Variants in NCKAP5 observed in about 807,000 individuals in gnomAD.
NCKAP5 encodes nck-associated protein 5.
A neutral mutation model predicts 167.0 loss-of-function variants in NCKAP5; 92 were observed. That is an observed-to-expected ratio of 0.55 (90% CI 0.47 to 0.66). The LOEUF (loss-of-function observed/expected upper bound fraction) is 0.66. Among genes scored for constraint, NCKAP5 ranks in the 30% least tolerant of loss-of-function variants. NCKAP5 has a pLI of 0.00. For missense variants in NCKAP5, 2,378 were observed against 2,315.0 expected (o/e 1.03, Z -0.56); for synonymous variants, 891 against 877.4 (o/e 1.02, Z -0.27).
At chr2:133,119,235 C>T (rs1161267510) in intron 6 of NCKAP5, among the ~76,000 whole-genome samples, 1 of 152,140 alleles carries the variant, frequency 6.6e-6, no homozygotes, top group South Asian at 2.1e-4. Flanking sequence ...AACTCCTGAC[C>T]TCAGGTAATC....
chr2:133,167,902 T>C (rs1391883294), intron 5 of NCKAP5, among the ~76,000 whole-genome samples: 1 of 152,198 alleles, frequency 6.6e-6, no homozygotes, highest in Non-Finnish European at 1.5e-5. Context: ...CCTGCAAGTA[T>C]ATAGATATGA....
At chr2:133,652,320 G>C in the NCKAP5 span, among the ~76,000 whole-genome samples, 2 of 152,208 alleles carry the variant, frequency 1.3e-5, no homozygotes, top group Non-Finnish European at 2.9e-5. Flanking sequence ...AGGGTGTAGT[G>C]TGTTGAGTTA....
chr2:133,427,476 TA>T (rs1424053711), intron 3 of NCKAP5, among the ~76,000 whole-genome samples: 3 of 152,162 alleles, frequency 2.0e-5, no homozygotes, highest in Non-Finnish European at 2.9e-5. Flanking sequence ...ATAATTCCCA[TA>T]TAATTTAATT....
At chr2:133,599,049 T>C in the NCKAP5 span, among the ~76,000 whole-genome samples, 1 of 152,242 alleles carries the variant, frequency 6.6e-6, no homozygotes, top group Admixed American at 6.5e-5. Flanking sequence ...GTAAGGACTG[T>C]CATTGGAATA....
chr2:132,892,155 A>G (rs942894146), intron 8 of NCKAP5, among the ~76,000 whole-genome samples: 2 of 152,192 alleles, frequency 1.3e-5, no homozygotes, highest in African/African-American at 4.8e-5. Context: ...TGGATTGGAC[A>G]GTTTAAACAG....
At chr2:133,267,579 T>C (rs1159474376) in intron 4 of NCKAP5, among the ~76,000 whole-genome samples, 1 of 152,182 alleles carries the variant, frequency 6.6e-6, no homozygotes, top group East Asian at 1.9e-4. Context: ...TTTCCAGAGA[T>C]AAAAGGAAAT....
chr2:132,935,844 A>C (rs982238646), intron 8 of NCKAP5, among the ~76,000 whole-genome samples: 4 of 152,196 alleles, frequency 2.6e-5, no homozygotes, highest in Admixed American at 6.5e-5. Context: ...GTGGTGTCGC[A>C]CTTCATGAGA....
chr2:133,090,790 C>G (rs1837136), intron 6 of NCKAP5, among the ~76,000 whole-genome samples: 38,810 of 92,826 alleles, frequency 0.42, 5,928 homozygotes, highest in African/African-American at 0.61. Context: ...GGAGACTTGG[C>G]GGGGGAAATT....
intron 5 of NCKAP5, among the ~76,000 whole-genome samples, chr2:133,198,437 T>C (rs1455459393): frequency 6.6e-6 from 1 of 152,142 alleles, no homozygotes; most frequent in African/African-American, 2.4e-5. Context: ...CTCTAATGAC[T>C]GTAGGTTTCT....
chr2:133,430,916 G>A (rs1181327221), intron 3 of NCKAP5, among the ~76,000 whole-genome samples: 3 of 151,798 alleles, frequency 2.0e-5, no homozygotes, highest in Admixed American at 6.6e-5. Context: ...CTTTCTACAG[G>A]TCTGAAATTG....
intron 3 of NCKAP5, among the ~76,000 whole-genome samples, chr2:133,483,629 G>GT (rs981399598): frequency 6.3e-5 from 6 of 95,506 alleles, no homozygotes; most frequent in African/African-American, 3.2e-4. Context: ...AAAAAAAAAG[G>GT]GGGGGGGGCT....
intron 6 of NCKAP5, among the ~76,000 whole-genome samples, chr2:133,006,060 C>G (rs1308292700): frequency 6.6e-6 from 1 of 151,922 alleles, no homozygotes; most frequent in Non-Finnish European, 1.5e-5. Context: ...AGTTCAGGAC[C>G]AGCCTGAGCA....
At chr2:133,235,664 G>C (rs1184666571) in intron 4 of NCKAP5, among the ~76,000 whole-genome samples, 1 of 152,016 alleles carries the variant, frequency 6.6e-6, no homozygotes, top group Non-Finnish European at 1.5e-5. Context: ...AGCATGTTGG[G>C]AGGCCGAGGT....
intron 19 of NCKAP5, among the ~76,000 whole-genome samples, chr2:132,680,038 C>T (rs1035059951): frequency 3.5e-4 from 53 of 152,138 alleles, no homozygotes; most frequent in African/African-American, 1.2e-3. Flanking sequence ...CTAGATGAGA[C>T]ATAAAAATAG....
At chr2:133,448,838 C>T (rs752363738) in intron 3 of NCKAP5, among the ~76,000 whole-genome samples, 140 of 152,076 alleles carry the variant, frequency 9.2e-4, no homozygotes, top group Middle Eastern at 3.2e-3. Context: ...CGAGGTCTCA[C>T]CATGTTGCCC....
Position 132,798,942 on chromosome 2 carries a change from T to A in NCKAP5, c.808-2213A>T, listed in dbSNP as rs540301068. 1.4e-3 allele frequency among the ~76,000 whole-genome samples: 215 copies of A among 152,182 alleles called. 1 individual carries two copies. Among genetic ancestry groups the A allele is most frequent in the African/African-American group, 4.9e-3 (204 of 41,524 alleles). On this transcript the variant is annotated intron_variant, in intron 11 of 19. Transcript: ENST00000409261. Reference sequence around the variant, plus strand: ...AAAATCCATCATTCTACCAAAAAGATACAAGCACACACATGTTCATTGCCA... The same window carrying A: ...AAAATCCATCATTCTACCAAAAAGAAACAAGCACACACATGTTCATTGCCA...
chr2:132,969,709 G>A (rs2076775866), intron 7 of NCKAP5, among the ~76,000 whole-genome samples: 1 of 152,122 alleles, frequency 6.6e-6, no homozygotes, highest in African/African-American at 2.4e-5. Context: ...AATGGTCCTG[G>A]GGTGCAGGTA....
intron 4 of NCKAP5, among the ~76,000 whole-genome samples, chr2:133,235,449 A>G (rs920291692): frequency 6.6e-6 from 1 of 152,138 alleles, no homozygotes; most frequent in African/African-American, 2.4e-5. Flanking sequence ...TGAGTACAAA[A>G]AGGCAGGCTG....
chr2:133,461,367 T>C (rs1692189621), intron 3 of NCKAP5, among the ~76,000 whole-genome samples: 1 of 152,206 alleles, frequency 6.6e-6, no homozygotes, highest in Admixed American at 6.5e-5. Flanking sequence ...GTTTACTGGG[T>C]TTTGCTTCCA....
Sources: gnomAD v4.1 joint callset for allele counts (sites outside exome capture counted in the v4.1 genomes callset) on GRCh38, gnomAD v4.1.1 for gene constraint, MANE v1.5 for transcripts, NCBI Gene and HGNC (gene_info 2026-07-23, HGNC 2026-07-21) for gene names.